Variants in NPSR1 observed in about 807,000 individuals in gnomAD.
NPSR1 encodes neuropeptide S receptor.
In NPSR1, 48 loss-of-function variants were observed where a neutral mutation model predicts 46.9. The ratio of observed to expected loss-of-function variants is 1.02; its 90% CI spans 0.81 to 1.30. The LOEUF (loss-of-function observed/expected upper bound fraction) is 1.30. Ranked by LOEUF, NPSR1 falls within the 50% of genes most tolerant of loss-of-function variation. NPSR1 has a pLI of 0.00. For synonymous variants in NPSR1, 176 were observed against 168.1 expected (o/e 1.05, Z -0.36); for missense variants, 450 against 449.5 (o/e 1.00, Z -0.01).
At chr7:34,783,047 A>C (rs527955294) in intron 3 of NPSR1, among the ~76,000 whole-genome samples, 59 of 152,284 alleles carry the variant, frequency 3.9e-4, no homozygotes, top group African/African-American at 1.4e-3. Flanking sequence ...GAATTTGTGA[A>C]GTGAAAAACA....
chr7:34,701,461 C>G, intron 2 of NPSR1, among the ~76,000 whole-genome samples: 1 of 152,188 alleles, frequency 6.6e-6, no homozygotes, highest in South Asian at 2.1e-4. Flanking sequence ...TACATCACCC[C>G]TCCCCATCCC....
intron 2 of NPSR1, among the ~76,000 whole-genome samples, chr7:34,733,344 G>A (rs962316310): frequency 2.6e-5 from 4 of 151,684 alleles, no homozygotes; most frequent in Admixed American, 6.6e-5. Context: ...GCTTGAACTC[G>A]GGAGGTGGAA....
intron 3 of NPSR1, among the ~76,000 whole-genome samples, chr7:34,784,757 A>G (rs1178297349): frequency 1.3e-5 from 2 of 152,168 alleles, no homozygotes; most frequent in Non-Finnish European, 2.9e-5. Flanking sequence ...TTCAGAAGGA[A>G]TGGTACCAGT....
At chr7:34,766,429 T>C (rs928946100) in intron 2 of NPSR1, among the ~76,000 whole-genome samples, 10 of 152,128 alleles carry the variant, frequency 6.6e-5, no homozygotes, top group South Asian at 2.1e-4. Flanking sequence ...TTGTTTGAAA[T>C]AACAAAAAAC....
At chr7:34,664,480 C>G (rs554565955) in intron 1 of NPSR1, among the ~76,000 whole-genome samples, 19 of 152,220 alleles carry the variant, frequency 1.2e-4, no homozygotes, top group Non-Finnish European at 2.2e-4. Context: ...GGTGAGGAGG[C>G]AGCATTAGCT....
chr7:34,830,224 CTGAG>C (rs1790053779), intron 5 of NPSR1, among the ~76,000 whole-genome samples: 1 of 152,192 alleles, frequency 6.6e-6, no homozygotes, highest in Non-Finnish European at 1.5e-5. Flanking sequence ...GCTCAATTCT[CTGAG>C]TAAGGTTAAA....
At chr7:34,790,790 A>G (rs1562729510) in intron 3 of NPSR1, among the ~76,000 whole-genome samples, 1 of 122,808 alleles carries the variant, frequency 8.1e-6, no homozygotes, top group Non-Finnish European at 1.7e-5. Flanking sequence ...TATGTTATAT[A>G]TATGTTATAG....
chr7:34,689,544 G>A (rs1203643383), intron 2 of NPSR1, among the ~76,000 whole-genome samples: 1 of 131,228 alleles, frequency 7.6e-6, no homozygotes, highest in Non-Finnish European at 1.6e-5. Flanking sequence ...GGTGGAGCTT[G>A]CAGTGAGCCG....
intron 2 of NPSR1, among the ~76,000 whole-genome samples, chr7:34,770,285 C>A (rs1786618658): frequency 6.6e-6 from 1 of 152,172 alleles, no homozygotes; most frequent in Non-Finnish European, 1.5e-5. Context: ...CATGACATTC[C>A]TATTTGATCA....
intron 1 of NPSR1, among the ~76,000 whole-genome samples, chr7:34,667,456 C>T (rs1313213406): frequency 6.6e-6 from 1 of 152,170 alleles, no homozygotes; most frequent in Non-Finnish European, 1.5e-5. Context: ...CCATCAAAGG[C>T]CAGCCTCCTA....
intron 3 of NPSR1, 77 bp from the exon 4 acceptor site, chr7:34,811,693 C>T (rs1788993339): frequency 3.2e-6 from 3 of 948,472 alleles, no homozygotes; most frequent in Non-Finnish European, 4.9e-6. Context: ...CTAAATAACA[C>T]AAGGTGCTAT....
chr7:34,831,368 A>G lies in NPSR1; in HGVS notation c.681-3016A>G, dbSNP rs12670834. On this transcript the variant is annotated intron_variant, in intron 5 of 8. Transcript: ENST00000360581. Reference sequence around the variant, plus strand: ...ACACACGTGTACACATACTGCTAATATAGAAATTTCTGGCTATCTAATGCC... The same window carrying G: ...ACACACGTGTACACATACTGCTAATGTAGAAATTTCTGGCTATCTAATGCC... Among the ~76,000 whole-genome samples, 21 of 152,002 alleles carry G rather than the reference A, an allele frequency of 1.4e-4. No homozygotes were observed. In the East Asian group the frequency reaches 3.1e-3, roughly 22 times the overall value.
Position 34,798,983 on chromosome 7 carries a change from G to A in NPSR1, c.385-12787G>A, listed in dbSNP as rs117382974. On this transcript the variant is annotated intron_variant, in intron 3 of 8. Coordinates refer to ENST00000360581, the MANE Select transcript of NPSR1 (RefSeq NM_207172.2). ...TTCTTTGAGTGAAATTTATAACACTGAATGGATATATTAGAAAATAAAAAA... is the reference window on the plus strand; with the variant it reads ...TTCTTTGAGTGAAATTTATAACACTAAATGGATATATTAGAAAATAAAAAA... 6.3e-3 allele frequency among the ~76,000 whole-genome samples: 963 copies of A among 152,102 alleles called. 8 individuals are homozygous for A. Among genetic ancestry groups the A allele is most frequent in the South Asian group, 0.016 (75 of 4,818 alleles).
chr7:34,768,235 T>C (rs912096484), intron 2 of NPSR1: 43 of 152,260 alleles, frequency 2.8e-4, no homozygotes, highest in Middle Eastern at 3.4e-3. Flanking sequence ...CAAAGCCAGC[T>C]GGGGGGACAA....
At chr7:34,792,653 GTATATATATATTTATATATA>G (rs1787950233) in intron 3 of NPSR1, among the ~76,000 whole-genome samples, 1 of 89,448 alleles carries the variant, frequency 1.1e-5, no homozygotes, top group Non-Finnish European at 2.2e-5. Context: ...ATATATATAT[GTATATATATATTTATATATA>G]TGTATATATA....
chr7:34,827,646 G>T, intron 5 of NPSR1, 44 bp downstream of exon 5: 4 of 753,662 alleles, frequency 5.3e-6, no homozygotes, highest in South Asian at 2.8e-5. Flanking sequence ...GGTGGGGCGG[G>T]GGGGGCTTTC....
intron 8 of NPSR1, among the ~76,000 whole-genome samples, chr7:34,862,692 G>A (rs1376434981): frequency 6.6e-6 from 1 of 151,730 alleles, no homozygotes; most frequent in Non-Finnish European, 1.5e-5. Context: ...TTCTACAAGA[G>A]TGCAAATCCA....
Position 34,735,167 on chromosome 7 carries a change from T to C in NPSR1, c.281-43295T>C, listed in dbSNP as rs1417156614. Among the ~76,000 whole-genome samples, 3 of 152,158 alleles carry C rather than the reference T, an allele frequency of 2.0e-5. No individual in the cohort carries two copies. The East Asian group carries it at 5.8e-4, about 29-fold the overall frequency. On this transcript the variant is annotated intron_variant, in intron 2 of 8. Coordinates refer to ENST00000360581, the MANE Select transcript of NPSR1 (RefSeq NM_207172.2). ...AGTGTTATTAGAAGAAGAAATATTT[T>C]TAGGGTAGGCAAAAACAACAGATGA...
At chr7:34,708,025 C>T (rs185088548) in intron 2 of NPSR1, among the ~76,000 whole-genome samples, 138 of 152,190 alleles carry the variant, frequency 9.1e-4, no homozygotes, top group South Asian at 2.3e-3. Context: ...AGGACACCAC[C>T]AGTTATACTG....
Sources: gnomAD v4.1 joint callset for allele counts (sites outside exome capture counted in the v4.1 genomes callset) on GRCh38, gnomAD v4.1.1 for gene constraint, MANE v1.5 for transcripts, NCBI Gene and HGNC (gene_info 2026-07-23, HGNC 2026-07-21) for gene names.